DOCK3: variants seen among roughly 807,000 people sequenced by gnomAD.
DOCK3 encodes the protein dedicator of cytokinesis 3, also known as dedicator of cytokinesis protein 3.
A neutral mutation model predicts 265.6 loss-of-function variants in DOCK3; 60 were observed. The observed-to-expected ratio is 0.23, with a 90% CI of 0.18 to 0.28. The LOEUF is 0.28. DOCK3 is among the 10% of genes least tolerant of loss of function. DOCK3 has a pLI of 1.00. For synonymous variants in DOCK3, 881 were observed against 938.0 expected (o/e 0.94, Z 1.11); for missense variants, 1,981 against 2,594.3 (o/e 0.76, Z 5.14).
intron 2 of DOCK3, among the ~76,000 whole-genome samples, chr3:50,788,673 C>T (rs1417093705): frequency 6.6e-6 from 1 of 152,240 alleles, no homozygotes; most frequent in African/African-American, 2.4e-5. Flanking sequence ...CAGGACTGCT[C>T]CTCAGACCTG....
chr3:50,752,503 G>A (rs538319924), intron 1 of DOCK3, among the ~76,000 whole-genome samples: 38 of 84,068 alleles, frequency 4.5e-4, no homozygotes, highest in Non-Finnish European at 7.3e-4. Flanking sequence ...GCGAGAGTCC[G>A]TCTCAAAAAA....
At chr3:51,256,587 G>GTTTTTTT (rs369826497) in intron 22 of DOCK3, among the ~76,000 whole-genome samples, 2 of 135,586 alleles carry the variant, frequency 1.5e-5, no homozygotes, top group African/African-American at 5.5e-5. Context: ...TTGAGTTTTC[G>GTTTTTTT]TTTTTGTTTT....
chr3:50,803,766 G>A (rs1474109955), intron 2 of DOCK3, among the ~76,000 whole-genome samples: 2 of 146,756 alleles, frequency 1.4e-5, no homozygotes, highest in Non-Finnish European at 3.0e-5. Context: ...CCTCCCTCCT[G>A]GACAGGGCGG....
At chr3:51,368,546 A>G (rs1462955687) in intron 49 of DOCK3, among the ~76,000 whole-genome samples, 1 of 152,164 alleles carries the variant, frequency 6.6e-6, no homozygotes. Context: ...TAGGTAAACA[A>G]AGCGGCTGGG....
chr3:51,176,465 A>T (rs1576324926), intron 12 of DOCK3, among the ~76,000 whole-genome samples: 1 of 45,642 alleles, frequency 2.2e-5, no homozygotes, highest in East Asian at 3.2e-4. Flanking sequence ...AAAAATAAAA[A>T]AAAAAAAAAA....
In DOCK3 at chr3:50,841,720, T is replaced by A; in HGVS notation, c.162+5T>A. On this transcript the variant is annotated splice_donor_5th_base_variant and intron_variant, in intron 3 of 52. Coordinates refer to ENST00000266037, the MANE Select transcript of DOCK3 (RefSeq NM_004947.5). ...ACAAAGAAGCCAAATGTGAAGGTAA[T>A]GAAAAGTTTATTGTTACCTTTTCTA... 2 of 1,048,354 alleles carry A rather than the reference T, an allele frequency of 1.9e-6. No individual in the cohort carries two copies. Among genetic ancestry groups the A allele is most frequent in the Non-Finnish European group, 2.5e-6 (2 of 807,184 alleles). 64.9% of individuals were successfully genotyped at this position (1,048,354 alleles called of 1,614,324 possible).
intron 1 of DOCK3, among the ~76,000 whole-genome samples, chr3:50,728,520 T>C (rs939933210): frequency 6.6e-6 from 1 of 151,912 alleles, no homozygotes; most frequent in African/African-American, 2.4e-5. Context: ...CCTAAAGTGG[T>C]TTTTTGAAAG....
chr3:51,060,112 C>A (rs115232187), intron 5 of DOCK3, among the ~76,000 whole-genome samples: 245 of 152,034 alleles, frequency 1.6e-3, no homozygotes, highest in African/African-American at 5.5e-3. Context: ...TTCATTGAAC[C>A]TGCACATTGT....
intron 1 of DOCK3, among the ~76,000 whole-genome samples, chr3:50,744,081 A>G (rs1295196008): frequency 6.6e-6 from 1 of 152,170 alleles, no homozygotes; most frequent in Non-Finnish European, 1.5e-5. Context: ...GTTCATTTGT[A>G]TATCTTTTAT....
chr3:50,964,933 AAAG>A (rs1266491149), intron 5 of DOCK3, among the ~76,000 whole-genome samples: 1 of 152,138 alleles, frequency 6.6e-6, no homozygotes, highest in African/African-American at 2.4e-5. Flanking sequence ...ACAAAATCTG[AAAG>A]AAGAACTTAG....
chr3:51,115,915 G>T (rs2083714829), intron 9 of DOCK3, among the ~76,000 whole-genome samples: 1 of 152,070 alleles, frequency 6.6e-6, no homozygotes, highest in Non-Finnish European at 1.5e-5. Context: ...TTTCCCTATT[G>T]CTTGTTTTTG....
chr3:51,075,472 T>A lies in DOCK3; in HGVS notation c.549+32T>A, dbSNP rs754897931. 6.7e-6 allele frequency: 10 copies of A among 1,488,568 alleles called. No homozygotes were observed. In the Admixed American group the frequency reaches 2.2e-4, roughly 32 times the overall value. 92.2% of individuals were successfully genotyped at this position (1,488,568 alleles called of 1,614,324 possible). A position where few individuals can be genotyped will look rare whatever the true frequency, so the allele number is the denominator to read the frequency against. ...AATCTAACATGAGGTAGCTTGTTCC[T>A]GCATACCTCATTTTTTCTCTTTTGT... On this transcript the variant is annotated intron_variant, in intron 7 of 52. Coordinates refer to ENST00000266037, the MANE Select transcript of DOCK3 (RefSeq NM_004947.5).
intron 1 of DOCK3, among the ~76,000 whole-genome samples, chr3:50,746,657 A>G (rs2039465500): frequency 6.6e-6 from 1 of 152,198 alleles, no homozygotes; most frequent in East Asian, 1.9e-4. Context: ...CACACGGCAT[A>G]GTGCCGGCAT....
intron 12 of DOCK3, among the ~76,000 whole-genome samples, chr3:51,182,253 T>G (rs2087343091): frequency 1.3e-5 from 2 of 152,216 alleles, no homozygotes; most frequent in Admixed American, 1.3e-4. Flanking sequence ...CTCAGTTTTC[T>G]CATCGTTAAC....
chr3:51,293,539 A>G (rs2081909934), intron 27 of DOCK3, among the ~76,000 whole-genome samples: 1 of 152,208 alleles, frequency 6.6e-6, no homozygotes, highest in South Asian at 2.1e-4. Flanking sequence ...GGGAAAACCT[A>G]TGATGTTGAT....
Position 51,001,805 on chromosome 3 carries a change from C to G in DOCK3, c.316-62643C>G, listed in dbSNP as rs143852354. On this transcript the variant is annotated intron_variant, in intron 5 of 52. Transcript: ENST00000266037. ...AGTTGTTCTTCATTCTCAAAGTACT[C>G]ATCATTGTCAGTATATTTTATTTTA... Among the ~76,000 whole-genome samples, 278 of 152,256 alleles carry G rather than the reference C, an allele frequency of 1.8e-3. 3 individuals carry two copies. The highest frequency in any genetic ancestry group is 6.0e-3 in the African/African-American group (249 of 41,552).
At chr3:50,823,226 C>T (rs368378893) in intron 2 of DOCK3, among the ~76,000 whole-genome samples, 4 of 151,914 alleles carry the variant, frequency 2.6e-5, no homozygotes, top group African/African-American at 9.7e-5. Context: ...GGCAGGGTCA[C>T]AGGACAATAG....
intron 27 of DOCK3, among the ~76,000 whole-genome samples, chr3:51,290,235 T>C (rs1456376373): frequency 1.3e-5 from 2 of 152,120 alleles, no homozygotes; most frequent in East Asian, 1.9e-4. Flanking sequence ...CACATGCACA[T>C]GTATGTTTAT....
chr3:51,030,380 G>A (rs1306284187), intron 5 of DOCK3, among the ~76,000 whole-genome samples: 1 of 152,096 alleles, frequency 6.6e-6, no homozygotes, highest in African/African-American at 2.4e-5. Context: ...TTTGCATGCT[G>A]TCCTCTTCCC....
Sources: allele counts gnomAD v4.1 joint callset (sites outside exome capture counted in the v4.1 genomes callset), GRCh38; gene constraint gnomAD v4.1.1; transcripts MANE v1.5; gene names NCBI Gene and HGNC (gene_info 2026-07-23, HGNC 2026-07-21).